FMNL2: variants seen among roughly 807,000 people sequenced by gnomAD.
The protein encoded by FMNL2 is formin-like protein 2.
In FMNL2, 51 loss-of-function variants were observed where a neutral mutation model predicts 130.2. The observed-to-expected ratio is 0.39, with a 90% CI of 0.31 to 0.49. The LOEUF (loss-of-function observed/expected upper bound fraction) is 0.49, where lower values mean the gene tolerates loss of function less well. Among genes scored for constraint, FMNL2 ranks in the 20% least tolerant of loss-of-function variants. FMNL2 has a pLI of 0.85. For missense variants in FMNL2, 977 were observed against 1,316.2 expected (o/e 0.74, Z 3.99); for synonymous variants, 465 against 467.1 (o/e 1.00, Z 0.06).
At chr2:152,496,544 C>A (rs1216695490) in intron 1 of FMNL2, among the ~76,000 whole-genome samples, 1 of 152,180 alleles carries the variant, frequency 6.6e-6, no homozygotes, top group African/African-American at 2.4e-5. Flanking sequence ...TCACATCCTA[C>A]ATTTGCTAAT....
chr2:152,482,488 A>G (rs1690579084), intron 1 of FMNL2, among the ~76,000 whole-genome samples: 1 of 152,196 alleles, frequency 6.6e-6, no homozygotes, highest in Admixed American at 6.5e-5. Flanking sequence ...GATCCTCATC[A>G]GCTTCCATGG....
At chr2:152,371,563 G>A (rs1160184069) in intron 1 of FMNL2, among the ~76,000 whole-genome samples, 2 of 151,516 alleles carry the variant, frequency 1.3e-5, no homozygotes, top group Non-Finnish European at 2.9e-5. Flanking sequence ...CAGCTACTTG[G>A]GAAGCTGAGG....
chr2:152,542,403 A>C (rs189581377), intron 2 of FMNL2, among the ~76,000 whole-genome samples: 44 of 152,350 alleles, frequency 2.9e-4, no homozygotes, highest in Admixed American at 1.7e-3. Flanking sequence ...AGGTTGGGCA[A>C]AACACCATTC....
chr2:152,645,003 G>T (rs568599962), intron 25 of FMNL2, among the ~76,000 whole-genome samples: 2 of 152,220 alleles, frequency 1.3e-5, no homozygotes, highest in South Asian at 4.1e-4. Context: ...CATGGAATTG[G>T]GTATGTGTTT....
chr2:152,479,373 G>A lies in FMNL2; in HGVS notation c.118-42570G>A, dbSNP rs115275769. ...TTGCCTAGGCTGGTCCTGAATTCCT[G>A]GGCTCAAGTCATCCTCCTGCGTTGG... On this transcript the variant is annotated intron_variant, in intron 1 of 25. Transcript: ENST00000288670. Among the ~76,000 whole-genome samples the A allele has an allele frequency of 2.1e-3, 320 of 152,264 alleles. 3 individuals carry two copies. Among genetic ancestry groups the A allele is most frequent in the African/African-American group, 7.4e-3 (309 of 41,546 alleles).
chr2:152,614,628 A>G (rs1215669249), intron 11 of FMNL2, among the ~76,000 whole-genome samples: 4 of 152,236 alleles, frequency 2.6e-5, no homozygotes, highest in African/African-American at 9.6e-5. Flanking sequence ...CTGTAATCCC[A>G]GCTACTTGGG....
rs1172796902 is a variant in FMNL2, at chr2:152,368,400, ATAACT to A, written c.117+32685_117+32689del. On this transcript the variant is annotated intron_variant, in intron 1 of 25. Coordinates refer to ENST00000288670, the MANE Select transcript of FMNL2 (RefSeq NM_052905.4). ...GTGTGGTTGCTACTAAATAAGCAAA[ATAACT>A]TAACCCATGTATTTTTTAAGATCTA... 4.6e-5 allele frequency among the ~76,000 whole-genome samples: 7 copies of A among 152,322 alleles called. No homozygotes were observed. In the East Asian group the frequency reaches 1.3e-3, roughly 29 times the overall value.
At chr2:152,445,476 T>G (rs1351272186) in intron 1 of FMNL2, among the ~76,000 whole-genome samples, 1 of 152,194 alleles carries the variant, frequency 6.6e-6, no homozygotes, top group Non-Finnish European at 1.5e-5. Flanking sequence ...AGTTAGTGAG[T>G]GTTGAAATGT....
chr2:152,607,642 T>C, intron 10 of FMNL2: 1 of 353,528 alleles, frequency 2.8e-6, no homozygotes, highest in South Asian at 6.8e-5. Flanking sequence ...ACAAAAGTAC[T>C]AATCATAGCA....
At chr2:152,431,126 G>A (rs1322430099) in intron 1 of FMNL2, among the ~76,000 whole-genome samples, 1 of 152,068 alleles carries the variant, frequency 6.6e-6, no homozygotes, top group African/African-American at 2.4e-5. Flanking sequence ...TCTTTTTAAG[G>A]CCAATTGTTA....
chr2:152,426,298 A>G (rs1034696227), intron 1 of FMNL2, among the ~76,000 whole-genome samples: 1 of 152,212 alleles, frequency 6.6e-6, no homozygotes, highest in Non-Finnish European at 1.5e-5. Flanking sequence ...CAGACAGGGT[A>G]CTTGTGTATT....
At chr2:152,462,465 C>A (rs1558883275) in intron 1 of FMNL2, among the ~76,000 whole-genome samples, 1 of 152,142 alleles carries the variant, frequency 6.6e-6, no homozygotes, top group Non-Finnish European at 1.5e-5. Flanking sequence ...ATGGAGATGA[C>A]CTAGTCATTC....
chr2:152,539,632 A>T (rs1241160041), intron 2 of FMNL2, among the ~76,000 whole-genome samples: 1 of 152,266 alleles, frequency 6.6e-6, no homozygotes, highest in Non-Finnish European at 1.5e-5. Flanking sequence ...CTAAATAAGC[A>T]TATTTGAAAA....
In FMNL2 at chr2:152,619,552, G is replaced by GCCCCCCCCCCCCCCCC. The variant is rs1553488328; in HGVS notation, c.1676_1677insCCCCCCCCCCCCCCCC (p.Pro565SerfsTer21). 4 of 1,417,842 alleles carry GCCCCCCCCCCCCCCCC rather than the reference G, an allele frequency of 2.8e-6. No homozygotes were observed. The highest frequency in any genetic ancestry group is 1.7e-5 in the African/African-American group (1 of 58,874). The allele number at this position is 1,417,842 out of a possible 1,614,324, so 87.8% of individuals were successfully genotyped here. On this transcript the variant is annotated frameshift_variant, in exon 15 of 26. Transcript: ENST00000288670. LOFTEE classifies it high-confidence loss of function. ...CACCACCTATGCCACCGCCGCCGCC[G>GCCCCCCCCCCCCCCCC]CCCCCTCCTCCACCTCCTCCTCCCC...
intron 1 of FMNL2, among the ~76,000 whole-genome samples, chr2:152,346,352 A>T (rs1038660889): frequency 3.3e-5 from 5 of 152,144 alleles, no homozygotes; most frequent in Admixed American, 6.5e-5. Context: ...ACCAGTAATT[A>T]TCAGAAGTTC....
Position 152,335,514 on chromosome 2 carries a change from C to A in FMNL2, c.-90C>A. On this transcript the variant is annotated 5_prime_UTR_variant, in exon 1 of 26. Coordinates refer to ENST00000288670, the MANE Select transcript of FMNL2 (RefSeq NM_052905.4). ...CGGGGAGCCGGGCAGGTCGCGCCTG[C>A]GGGCGGCAGCCGACCGCCGGGAGCT... 1 of 1,015,526 alleles carries A rather than the reference C, an allele frequency of 9.8e-7. No individual in the cohort carries two copies. Among genetic ancestry groups the A allele is most frequent in the Non-Finnish European group, 1.4e-6 (1 of 728,416 alleles). 62.9% of individuals were successfully genotyped at this position (1,015,526 alleles called of 1,614,324 possible). A position where few individuals can be genotyped will look rare whatever the true frequency, so the allele number is the denominator to read the frequency against.
intron 1 of FMNL2, among the ~76,000 whole-genome samples, chr2:152,490,609 G>GTGTGTGTA (rs1417304513): frequency 6.7e-6 from 1 of 150,202 alleles, no homozygotes. Flanking sequence ...GTGTGTGTGT[G>GTGTGTGTA]TGTGTGTTGG....
intron 2 of FMNL2, among the ~76,000 whole-genome samples, chr2:152,538,835 A>G (rs542835150): frequency 2.8e-4 from 42 of 152,302 alleles, no homozygotes; most frequent in East Asian, 1.4e-3. Flanking sequence ...CTCTGTTTCA[A>G]TGTGGCCAAT....
intron 1 of FMNL2, among the ~76,000 whole-genome samples, chr2:152,464,781 C>A (rs887632479): frequency 6.6e-6 from 1 of 152,164 alleles, no homozygotes; most frequent in African/African-American, 2.4e-5. Flanking sequence ...TGTCCTATTT[C>A]TCAGAGAAAT....
Sources: allele counts gnomAD v4.1 joint callset (sites outside exome capture counted in the v4.1 genomes callset), GRCh38; gene constraint gnomAD v4.1.1; transcripts MANE v1.5; gene names NCBI Gene and HGNC (gene_info 2026-07-23, HGNC 2026-07-21).